ARHGAP32: variants seen among roughly 807,000 people sequenced by gnomAD.
ARHGAP32 encodes Rho GTPase activating protein 32.
A neutral mutation model predicts 186.5 loss-of-function variants in ARHGAP32; 51 were observed. The ratio of observed to expected loss-of-function variants is 0.27; its 90% CI spans 0.22 to 0.35. The LOEUF is 0.35. ARHGAP32 is among the 10% of genes least tolerant of loss of function. The pLI is 1.00. For synonymous variants in ARHGAP32, 950 were observed against 964.3 expected (o/e 0.99, Z 0.27); for missense variants, 2,186 against 2,623.5 (o/e 0.83, Z 3.64).
chr11:129,115,625 T>C (rs1942346809), intron 5 of ARHGAP32, among the ~76,000 whole-genome samples: 1 of 152,064 alleles, frequency 6.6e-6, no homozygotes, highest in Non-Finnish European at 1.5e-5. Flanking sequence ...CAAGAACATA[T>C]ACTTGTCAGG....
intron 1 of ARHGAP32, among the ~76,000 whole-genome samples, chr11:129,250,207 C>G (rs748945409): frequency 1.3e-5 from 2 of 151,984 alleles, no homozygotes; most frequent in African/African-American, 2.4e-5. Context: ...ACAGAGCAAG[C>G]CTCTGTCAGT....
chr11:129,088,903 C>G (rs1021654088), intron 6 of ARHGAP32, among the ~76,000 whole-genome samples: 7 of 144,020 alleles, frequency 4.9e-5, no homozygotes, highest in African/African-American at 1.8e-4. Flanking sequence ...CCAGGTGAGG[C>G]AGGAGGATCA....
At chr11:129,071,937 C>T (rs747735404) in intron 6 of ARHGAP32, among the ~76,000 whole-genome samples, 22 of 152,074 alleles carry the variant, frequency 1.4e-4, no homozygotes, top group African/African-American at 4.1e-4. Flanking sequence ...GGACATTATG[C>T]GCAATAAAAT....
chr11:129,022,368 G>A (rs968041910), intron 11 of ARHGAP32, among the ~76,000 whole-genome samples: 2 of 152,054 alleles, frequency 1.3e-5, no homozygotes, highest in Non-Finnish European at 2.9e-5. Context: ...TTTTGATTTT[G>A]TGGGTTTTGT....
intron 1 of ARHGAP32, among the ~76,000 whole-genome samples, chr11:129,199,007 T>C (rs1265400645): frequency 6.6e-6 from 1 of 152,156 alleles, no homozygotes; most frequent in Non-Finnish European, 1.5e-5. Flanking sequence ...CCTTGCTATG[T>C]TTTAGCAAAG....
At chr11:129,209,104 C>T (rs949944178) in intron 1 of ARHGAP32, among the ~76,000 whole-genome samples, 3 of 152,130 alleles carry the variant, frequency 2.0e-5, no homozygotes, top group Non-Finnish European at 4.4e-5. Flanking sequence ...AGATTCTCAA[C>T]ATTTTTTCTC....
chr11:129,237,569 CATGAACAGAGGCCTAA>C (rs1385729153), intron 1 of ARHGAP32, among the ~76,000 whole-genome samples: 5 of 152,124 alleles, frequency 3.3e-5, no homozygotes, highest in Non-Finnish European at 5.9e-5. Context: ...GAGGTGGGGA[CATGAACAGAGGCCTAA>C]ATGAACTGAG....
In ARHGAP32 at chr11:129,212,330, G is replaced by A. The variant is rs185072749; in HGVS notation, c.-4-47903C>T. On this transcript the variant is annotated intron_variant, in intron 1 of 6. Coordinates refer to the ARHGAP32 transcript ENST00000525234. ...AACTATCAACTGTATTTTCCAACTAGTTGCCTAATATGAAAATAAGGCTCT... is the reference window on the plus strand; with the variant it reads ...AACTATCAACTGTATTTTCCAACTAATTGCCTAATATGAAAATAAGGCTCT... 1.2e-3 allele frequency among the ~76,000 whole-genome samples: 188 copies of A among 152,200 alleles called. 2 individuals are homozygous for A. The highest frequency in any genetic ancestry group is 4.3e-3 in the African/African-American group (180 of 41,530).
chr11:129,108,378 G>A (rs1591621519), intron 5 of ARHGAP32, among the ~76,000 whole-genome samples: 1 of 151,904 alleles, frequency 6.6e-6, no homozygotes. Context: ...ATAGACATTA[G>A]GACAAAAATG....
At chr11:129,035,801 G>A (rs1254498035) in intron 11 of ARHGAP32, among the ~76,000 whole-genome samples, 2 of 151,688 alleles carry the variant, frequency 1.3e-5, no homozygotes. Flanking sequence ...CCGAGATCAC[G>A]CCACCGCACT....
chr11:129,275,152 T>C (rs1374740608), intron 1 of ARHGAP32, among the ~76,000 whole-genome samples: 1 of 152,152 alleles, frequency 6.6e-6, no homozygotes, highest in East Asian at 1.9e-4. Flanking sequence ...AAGGAGAAAA[T>C]TCTATAGCAA....
At chr11:129,018,543 A>G (rs1938458688) in intron 11 of ARHGAP32, among the ~76,000 whole-genome samples, 1 of 152,182 alleles carries the variant, frequency 6.6e-6, no homozygotes, top group Admixed American at 6.5e-5. Flanking sequence ...TTGTTATATG[A>G]CCCAAAAGGA....
Position 129,123,066 on chromosome 11 carries a change from GAAT to G in ARHGAP32, c.444+377_444+379del, listed in dbSNP as rs1370324864. ...CAGTAAAAACATTTCTGAAAAAGAA[GAAT>G]AAAGTGAGAACACTTTAATCTACCA... On this transcript the variant is annotated intron_variant, in intron 5 of 22. Transcript: ENST00000682385. The surrounding 1 kb of genome is among the most constrained non-coding windows in gnomAD (Gnocchi z 4.6). Among the ~76,000 whole-genome samples the G allele has an allele frequency of 6.6e-6, 1 of 151,986 alleles. No homozygotes were observed. The highest frequency in any genetic ancestry group is 2.4e-5 in the African/African-American group (1 of 41,398).
At chr11:129,252,701 G>A (rs1945201385) in intron 1 of ARHGAP32, among the ~76,000 whole-genome samples, 1 of 152,148 alleles carries the variant, frequency 6.6e-6, no homozygotes, top group African/African-American at 2.4e-5. Context: ...TACTACGACT[G>A]ATGCCAGCAT....
At chr11:128,975,120 C>A in intron 20 of ARHGAP32, 118 bp from the exon 21 acceptor site, 1 of 824,880 alleles carries the variant, frequency 1.2e-6, no homozygotes, top group South Asian at 1.9e-5. Flanking sequence ...TGTTACTTCT[C>A]ATTTTCTTTC....
intron 6 of ARHGAP32, among the ~76,000 whole-genome samples, chr11:129,086,578 T>G (rs1941402964): frequency 6.6e-6 from 1 of 151,996 alleles, no homozygotes; most frequent in Non-Finnish European, 1.5e-5. Context: ...TCCCAGCACT[T>G]TGGGAGGCCA....
chr11:129,164,431 G>C lies in ARHGAP32; in HGVS notation c.117-4C>G, dbSNP rs768630891. 3 of 1,484,878 alleles carry C rather than the reference G, an allele frequency of 2.0e-6. No homozygotes were observed. Among genetic ancestry groups the C allele is most frequent in the South Asian group, 2.5e-5 (2 of 79,464 alleles). The allele number at this position is 1,484,878 out of a possible 1,614,324, so 92.0% of individuals were successfully genotyped here. On this transcript the variant is annotated splice_polypyrimidine_tract_variant and splice_region_variant and intron_variant, in intron 1 of 22. Transcript: ENST00000682385. The stretch of plus-strand genomic sequence containing the variant: ...ATGTACTGAGGACTTCATCTTCCTA[G>C]AGATCAAAACACGAAAGATTCTGAT...
In ARHGAP32 at chr11:129,236,096, T is replaced by C. The variant is rs1228840949; in HGVS notation, c.-5+43050A>G. On this transcript the variant is annotated intron_variant, in intron 1 of 6. Transcript: ENST00000525234. ...TCCGGGTAGATACCTAGTAGTGGGA[T>C]TGCTGGATCAAACAGTAGATCTACT... Among the ~76,000 whole-genome samples the C allele has an allele frequency of 3.3e-5, 5 of 152,298 alleles. No homozygotes were observed. In the East Asian group the frequency reaches 7.7e-4, roughly 24 times the overall value.
At chr11:129,004,841 T>C (rs942174049) in intron 11 of ARHGAP32, among the ~76,000 whole-genome samples, 1 of 152,158 alleles carries the variant, frequency 6.6e-6, no homozygotes, top group Non-Finnish European at 1.5e-5. Flanking sequence ...ATGTCTTTTA[T>C]TGAAGAGTTT....
Sources: gnomAD v4.1 joint callset for allele counts (sites outside exome capture counted in the v4.1 genomes callset) on GRCh38, gnomAD v4.1.1 for gene constraint, Gnocchi (gnomAD v3.1) non-coding constraint, MANE v1.5 for transcripts, NCBI Gene and HGNC (gene_info 2026-07-23, HGNC 2026-07-21) for gene names.